SV2C: variants seen among roughly 807,000 people sequenced by gnomAD.
SV2C encodes the protein solute carrier family 22 member B3.
SV2C carries 49 observed loss-of-function variants against 79.7 expected under a neutral mutation model. The ratio of observed to expected loss-of-function variants is 0.61; its 90% CI spans 0.49 to 0.78. The LOEUF is 0.78. SV2C is among the 30% of genes least tolerant of loss of function. The pLI, the probability that SV2C is intolerant of heterozygous loss-of-function variation, is 0.00. For synonymous variants in SV2C, 334 were observed against 333.2 expected (o/e 1.00, Z -0.03); for missense variants, 833 against 912.9 (o/e 0.91, Z 1.13).
At chr5:75,873,850 G>T in the SV2C span, among the ~76,000 whole-genome samples, 1 of 152,156 alleles carries the variant, frequency 6.6e-6, no homozygotes, top group South Asian at 2.1e-4. Context: ...TTGAGACTAA[G>T]CCAGGAAGAA....
chr5:76,304,587 A>G (rs1748123629), intron 12 of SV2C, among the ~76,000 whole-genome samples: 1 of 152,190 alleles, frequency 6.6e-6, no homozygotes, highest in Admixed American at 6.5e-5. Flanking sequence ...AGAGAAATTC[A>G]TTTTCTCACA....
chr5:75,877,305 G>C, the SV2C span, among the ~76,000 whole-genome samples: 1 of 151,970 alleles, frequency 6.6e-6, no homozygotes, highest in Non-Finnish European at 1.5e-5. Context: ...CAAATAAAGA[G>C]AGAAATAAAT....
At chr5:75,928,468 T>C in the SV2C span, among the ~76,000 whole-genome samples, 1 of 152,192 alleles carries the variant, frequency 6.6e-6, no homozygotes, top group African/African-American at 2.4e-5. Flanking sequence ...CATGTAGGTA[T>C]TAATTATTCT....
At chr5:75,908,811 T>C in the SV2C span, among the ~76,000 whole-genome samples, 2 of 152,228 alleles carry the variant, frequency 1.3e-5, no homozygotes, top group Admixed American at 1.3e-4. Context: ...CCTCAAACAG[T>C]ACCTCTTCAA....
intron 2 of SV2C, chr5:76,174,199 A>T: frequency 1.2e-6 from 2 of 1,611,620 alleles, no homozygotes. Context: ...AAGCTTGTCA[A>T]AACCTAGTAC....
Position 76,094,439 on chromosome 5 carries a change from CT to C in SV2C, c.-102+10935del, listed in dbSNP as rs1038426451. On this transcript the variant is annotated intron_variant, in intron 1 of 12. Transcript: ENST00000502798. ...CAGTATGTACTCTTGTGTCTGTTTTCTTTTTTTTAACACCGTATTTTTGAAA... is the reference window on the plus strand; with the variant it reads ...CAGTATGTACTCTTGTGTCTGTTTTCTTTTTTTAACACCGTATTTTTGAAA... Among the ~76,000 whole-genome samples the C allele has an allele frequency of 5.3e-5, 8 of 151,940 alleles. 1 individual carries two copies. In the South Asian group the frequency reaches 6.3e-4, roughly 12 times the overall value.
the SV2C span, among the ~76,000 whole-genome samples, chr5:75,916,372 TCCTCCTCCTC>T: frequency 1.6e-5 from 2 of 122,596 alleles, no homozygotes; most frequent in Non-Finnish European, 3.4e-5. Flanking sequence ...TCCTCCTCCT[TCCTCCTCCTC>T]CCCTTCCCCT....
At chr5:75,861,126 A>G in the SV2C span, among the ~76,000 whole-genome samples, 9 of 152,214 alleles carry the variant, frequency 5.9e-5, no homozygotes, top group African/African-American at 2.2e-4. Flanking sequence ...AAACAAATTA[A>G]CAAGCAAAAA....
intron 1 of SV2C, among the ~76,000 whole-genome samples, chr5:76,116,035 C>G (rs892857984): frequency 6.6e-6 from 1 of 152,234 alleles, no homozygotes; most frequent in African/African-American, 2.4e-5. Flanking sequence ...AGTCTCCTAC[C>G]TTGGCCACTC....
In SV2C at chr5:76,291,783, A is replaced by G. The variant is rs747579198; in HGVS notation, c.1264A>G (p.Met422Val). 102 of 1,609,466 alleles carry G rather than the reference A, an allele frequency of 6.3e-5. No individual in the cohort carries two copies. Among genetic ancestry groups the G allele is most frequent in the Non-Finnish European group, 8.0e-5 (94 of 1,177,278 alleles). ...TATTTCACAGATTTGGTTGACTTTTATGAGATGTTTCAACTACCCAGTCAG... is the reference window on the plus strand; with the variant it reads ...TATTTCACAGATTTGGTTGACTTTTGTGAGATGTTTCAACTACCCAGTCAG... ...TELYGIWLTF[M>V]RCFNYPVRDN... is the part of the protein sequence containing the mutation. Residue 422 changes from methionine (M) to valine (V), a missense_variant, in exon 8 of 13, where the codon ATG becomes GTG. Coordinates refer to ENST00000502798, the MANE Select transcript of SV2C (RefSeq NM_014979.4).
chr5:76,271,950 T>C (rs1746883098), intron 4 of SV2C, among the ~76,000 whole-genome samples: 1 of 152,190 alleles, frequency 6.6e-6, no homozygotes. Context: ...TCATTGTAGT[T>C]GCATGCATTT....
chr5:75,990,528 A>G, the SV2C span, among the ~76,000 whole-genome samples: 1 of 152,010 alleles, frequency 6.6e-6, no homozygotes, highest in Admixed American at 6.6e-5. Context: ...AGCATTAAGG[A>G]AAAAATTACT....
chr5:76,168,739 C>T (rs1212933089), intron 2 of SV2C, among the ~76,000 whole-genome samples: 1 of 152,212 alleles, frequency 6.6e-6, no homozygotes, highest in East Asian at 1.9e-4. Flanking sequence ...AAATATAAAA[C>T]CACCTTCCTT....
the SV2C span, among the ~76,000 whole-genome samples, chr5:75,978,207 G>A: frequency 6.6e-6 from 1 of 152,082 alleles, no homozygotes; most frequent in Non-Finnish European, 1.5e-5. Context: ...TCACCTGGCT[G>A]CTCCCAATTT....
At chr5:76,079,379 G>A, upstream of SV2C, 1 of 308,572 alleles carries the variant, frequency 3.2e-6, no homozygotes, top group South Asian at 4.1e-5. Flanking sequence ...AAAAACATGT[G>A]GTGATGTTGT....
intron 1 of SV2C, among the ~76,000 whole-genome samples, chr5:76,112,917 A>G (rs1422181152): frequency 6.6e-6 from 1 of 152,204 alleles, no homozygotes; most frequent in African/African-American, 2.4e-5. Context: ...CAAAAAAGCT[A>G]AAGAAAGAAA....
chr5:75,985,830 G>C, the SV2C span, among the ~76,000 whole-genome samples: 1 of 151,878 alleles, frequency 6.6e-6, no homozygotes, highest in Non-Finnish European at 1.5e-5. Context: ...AGGGCAATAT[G>C]TGAAATAGGT....
At chr5:75,966,922 C>T in the SV2C span, among the ~76,000 whole-genome samples, 1 of 152,196 alleles carries the variant, frequency 6.6e-6, no homozygotes, top group African/African-American at 2.4e-5. Context: ...ACTTACTAAT[C>T]ACATGACTTG....
At position 76,224,407 on chromosome 5, in the gene SV2C, T is replaced by C. The variant is rs189683353; in HGVS notation, c.913+14520T>C. Among the ~76,000 whole-genome samples the C allele has an allele frequency of 1.4e-3, 212 of 152,332 alleles. 2 individuals carry two copies. The highest frequency in any genetic ancestry group is 5.0e-3 in the African/African-American group (207 of 41,570). On this transcript the variant is annotated intron_variant, in intron 4 of 12. Transcript: ENST00000502798. The stretch of plus-strand genomic sequence containing the variant: ...GAAAATAACTGTTCTGAAAATACCC[T>C]TGCTGGGCTGAATTTATCATTAACC...
Sources: allele counts gnomAD v4.1 joint callset (sites outside exome capture counted in the v4.1 genomes callset), GRCh38; gene constraint gnomAD v4.1.1; transcripts MANE v1.5; gene names NCBI Gene and HGNC (gene_info 2026-07-23, HGNC 2026-07-21).